The following GGPS1 variants were observed in gnomAD, a reference collection of about 807,000 sequenced individuals.
GGPS1 encodes geranylgeranyl diphosphate synthase 1.
GGPS1 carries 15 observed loss-of-function variants against 28.1 expected under a neutral mutation model. The ratio of observed to expected loss-of-function variants is 0.53; its 90% CI spans 0.36 to 0.82. The LOEUF (loss-of-function observed/expected upper bound fraction) is 0.82. Ranked by LOEUF, GGPS1 falls within the 40% of genes least tolerant of loss-of-function variation. The probability of loss-of-function intolerance (pLI) is 0.01; values close to 1 mark genes in which losing one functional copy is unlikely to be tolerated. For missense variants in GGPS1, 284 were observed against 348.3 expected (o/e 0.82, Z 1.47); for synonymous variants, 138 against 122.4 (o/e 1.13, Z -0.84).
At chr1:235,338,190 G>A (rs1675922613) in intron 2 of GGPS1, among the ~76,000 whole-genome samples, 1 of 152,044 alleles carries the variant, frequency 6.6e-6, no homozygotes, top group African/African-American at 2.4e-5. Context: ...AGACCAGCCT[G>A]GGCAACATGG....
chr1:235,332,401 T>C (rs1675743153), intron 1 of GGPS1, among the ~76,000 whole-genome samples: 1 of 152,140 alleles, frequency 6.6e-6, no homozygotes, highest in African/African-American at 2.4e-5. Flanking sequence ...CATGATTTCA[T>C]TTTGTTTTAA....
At chr1:235,335,841 A>G (rs1364780333) in intron 2 of GGPS1, among the ~76,000 whole-genome samples, 1 of 152,216 alleles carries the variant, frequency 6.6e-6, no homozygotes, top group Non-Finnish European at 1.5e-5. Flanking sequence ...GAAGTTACGC[A>G]GATTTGTTTA....
At chr1:235,337,232 C>A (rs1265038323) in intron 2 of GGPS1, 1 of 151,186 alleles carries the variant, frequency 6.6e-6, no homozygotes, top group Admixed American at 6.7e-5. Flanking sequence ...TAACAAGCAT[C>A]GCTTGAATGT....
rs899850491 is a variant in GGPS1 at position 235,339,494 on chromosome 1, A to AC, written c.71-2214_71-2213insC. ...TCTCCACAAACAAACAAACAAACAA[A>AC]AAAACCCATAATCCCAGCATTTTGG... On this transcript the variant is annotated intron_variant, in intron 2 of 3. Coordinates refer to ENST00000282841, the MANE Select transcript of GGPS1 (RefSeq NM_004837.4). 2.9e-4 allele frequency among the ~76,000 whole-genome samples: 44 copies of AC among 151,846 alleles called. No individual in the cohort carries two copies. The East Asian group carries it at 5.1e-3, about 17-fold the overall frequency.
intron 2 of GGPS1, among the ~76,000 whole-genome samples, 199 bp downstream of exon 2, chr1:235,335,533 C>G (rs1052791312): frequency 2.6e-5 from 4 of 152,096 alleles, no homozygotes; most frequent in African/African-American, 9.7e-5. Flanking sequence ...GTGATACATA[C>G]CTGTTGTCCC....
chr1:235,334,429 C>T (rs1237042711), intron 1 of GGPS1, among the ~76,000 whole-genome samples: 1 of 152,174 alleles, frequency 6.6e-6, no homozygotes, highest in Admixed American at 6.5e-5. Flanking sequence ...AATATAATCA[C>T]TTGAATGAAG....
intron 1 of GGPS1, chr1:235,330,436 G>C (rs1372424462): frequency 6.6e-6 from 1 of 152,220 alleles, no homozygotes; most frequent in Non-Finnish European, 1.5e-5. Flanking sequence ...AGTGAGACGA[G>C]ATCACGCCAC....
chr1:235,339,416 C>T lies in GGPS1; in HGVS notation c.71-2292C>T, dbSNP rs552602575. Among the ~76,000 whole-genome samples the T allele has an allele frequency of 5.9e-5, 9 of 151,754 alleles. No homozygotes were observed. The East Asian group carries it at 1.7e-3, about 29-fold the overall frequency. On this transcript the variant is annotated intron_variant, in intron 2 of 3. Coordinates refer to ENST00000282841, the MANE Select transcript of GGPS1 (RefSeq NM_004837.4). ...CCAGGAGGCGAAGGTTGTGGTGAGCCGAGCCAAGATCGTGCCATTGCTTTC... is the reference window on the plus strand; with the variant it reads ...CCAGGAGGCGAAGGTTGTGGTGAGCTGAGCCAAGATCGTGCCATTGCTTTC...
intron 1 of GGPS1, among the ~76,000 whole-genome samples, chr1:235,331,881 A>G (rs1236634223): frequency 6.6e-6 from 1 of 152,224 alleles, no homozygotes; most frequent in Admixed American, 6.5e-5. Context: ...CAGAAAAACA[A>G]CTGCATGACA....
rs59003657 is a variant in GGPS1 at position 235,343,688 on chromosome 1, C to T, written c.*916C>T. On this transcript the variant is annotated 3_prime_UTR_variant, in exon 4 of 4. Transcript: ENST00000282841. ...TGCTTGATGAAATTCACATGCTAGT[C>T]TAAATCTTTTTTTCTCCCTTGTAAC... The T allele has an allele frequency of 0.042, 6,978 of 166,844 alleles. 530 individuals are homozygous for T. The highest frequency in any genetic ancestry group is 0.15 in the African/African-American group (6,278 of 41,396). 10.3% of individuals were successfully genotyped at this position (166,844 alleles called of 1,614,324 possible).
Position 235,344,083 on chromosome 1 carries a change from C to T in GGPS1, c.*1311C>T, listed in dbSNP as rs1214028141. Reference sequence around the variant, plus strand: ...AGCTTTTTAGTGCCTTAACCCTGACCTGGTTACCAGTTTTCTGTAGTTTCT... The same window carrying T: ...AGCTTTTTAGTGCCTTAACCCTGACTTGGTTACCAGTTTTCTGTAGTTTCT... On this transcript the variant is annotated 3_prime_UTR_variant, in exon 4 of 4. Transcript: ENST00000282841. 1 of 162,088 alleles carries T rather than the reference C, an allele frequency of 6.2e-6. No individual in the cohort carries two copies. Among genetic ancestry groups the T allele is most frequent in the Non-Finnish European group, 1.5e-5 (1 of 67,710 alleles). The allele number at this position is 162,088 out of a possible 1,614,324, so 10.0% of individuals were successfully genotyped here.
intron 2 of GGPS1, among the ~76,000 whole-genome samples, chr1:235,335,999 A>C (rs1021413582): frequency 6.6e-6 from 1 of 152,280 alleles, no homozygotes; most frequent in Non-Finnish European, 1.5e-5. Flanking sequence ...GTATTTGGAA[A>C]TATAGCCCAC....
upstream of GGPS1, chr1:235,328,287 G>C (rs1675505993): frequency 6.7e-6 from 1 of 149,978 alleles, no homozygotes; most frequent in Non-Finnish European, 1.5e-5. Context: ...AGACGACCTT[G>C]GATTGGTTAA....
intron 1 of GGPS1, among the ~76,000 whole-genome samples, chr1:235,334,744 G>T (rs12730441): frequency 0.32 from 48,742 of 151,970 alleles, 8,174 homozygotes; most frequent in South Asian, 0.52. Context: ...GTAGAATCTT[G>T]CTTTGTTTTT....
In GGPS1 at chr1:235,343,732, G is replaced by A. The variant is rs186747001; in HGVS notation, c.*960G>A. The A allele has an allele frequency of 4.0e-4, 67 of 166,830 alleles. No individual in the cohort carries two copies. Among genetic ancestry groups the A allele is most frequent in the African/African-American group, 1.5e-3 (61 of 41,438 alleles). The allele number at this position is 166,830 out of a possible 1,614,324, so 10.3% of individuals were successfully genotyped here. A position where few individuals can be genotyped will look rare whatever the true frequency, so the allele number is the denominator to read the frequency against. ...TTGTAACATTTATGTGCCCCAAACTGGTTAGTATATGGGTACAGCATTCCC... is the reference window on the plus strand; with the variant it reads ...TTGTAACATTTATGTGCCCCAAACTAGTTAGTATATGGGTACAGCATTCCC... On this transcript the variant is annotated 3_prime_UTR_variant, in exon 4 of 4. Coordinates refer to ENST00000282841, the MANE Select transcript of GGPS1 (RefSeq NM_004837.4).
Position 235,335,328 on chromosome 1 carries a change from T to C in GGPS1, c.64T>C (p.Leu22=). 6.8e-7 allele frequency: 1 copy of C among 1,470,660 alleles called. No individual in the cohort carries two copies. The allele number at this position is 1,470,660 out of a possible 1,614,324, so 91.1% of individuals were successfully genotyped here. ...LLEPYKYLLQ[L]PGKQVRTKLS... is the part of the protein sequence containing the mutation. ...AGAACCCTATAAATACTTACTTCAG[T>C]TACCAGGTAATACTTCACTTACAGT... Residue 22 remains leucine (L), a synonymous_variant, in exon 2 of 4, where the codon TTA becomes CTA. Coordinates refer to ENST00000282841, the MANE Select transcript of GGPS1 (RefSeq NM_004837.4).
chr1:235,330,950 G>A (rs775249887), intron 1 of GGPS1, among the ~76,000 whole-genome samples: 9 of 152,110 alleles, frequency 5.9e-5, no homozygotes, highest in Non-Finnish European at 1.2e-4. Flanking sequence ...AATGATGTTC[G>A]ATAATAATCT....
chr1:235,340,576 A>G (rs1164805997), intron 2 of GGPS1, among the ~76,000 whole-genome samples: 1 of 151,368 alleles, frequency 6.6e-6, no homozygotes. Context: ...CTCTACTAAA[A>G]ATACAAAAAA....
In GGPS1 at chr1:235,335,222, A is replaced by T. The variant is rs776210182; in HGVS notation, c.-23-20A>T. ...AGATGATTAGTTTCATGTGATCTTT[A>T]TGTTTCTCCTTTTTGACAGATTAGC... On this transcript the variant is annotated intron_variant, in intron 1 of 3. Transcript: ENST00000282841. 2 of 969,776 alleles carry T rather than the reference A, an allele frequency of 2.1e-6. No individual in the cohort carries two copies. The allele number at this position is 969,776 out of a possible 1,614,324, so 60.1% of individuals were successfully genotyped here.
Sources: gnomAD v4.1 joint callset for allele counts (sites outside exome capture counted in the v4.1 genomes callset) on GRCh38, gnomAD v4.1.1 for gene constraint, MANE v1.5 for transcripts, NCBI Gene and HGNC (gene_info 2026-07-23, HGNC 2026-07-21) for gene names.